BPIFA2: variants seen among roughly 807,000 people sequenced by gnomAD.
The protein encoded by BPIFA2 is BPI fold-containing family A member 2.
A neutral mutation model predicts 25.7 loss-of-function variants in BPIFA2; 20 were observed. The ratio of observed to expected loss-of-function variants is 0.78; its 90% CI spans 0.55 to 1.13. BPIFA2 has a LOEUF of 1.13. BPIFA2 is among the 50% of genes most tolerant of loss of function. BPIFA2 has a pLI of 0.00. For missense variants in BPIFA2, 300 were observed against 298.1 expected, an observed-to-expected ratio of 1.01 and a Z score of -0.05; for synonymous variants, 126 against 124.3, an observed-to-expected ratio of 1.01 and a Z score of -0.09.
At chr20:33,167,143 G>A (rs967583235), upstream of BPIFA2, among the ~76,000 whole-genome samples, 5 of 152,194 alleles carry the variant, frequency 3.3e-5, no homozygotes, top group Non-Finnish European at 7.3e-5. Context: ...TTGTCCCACC[G>A]TTTGCTTGGT....
upstream of BPIFA2, among the ~76,000 whole-genome samples, chr20:33,166,779 G>A (rs182716682): frequency 6.6e-6 from 1 of 152,304 alleles, no homozygotes; most frequent in East Asian, 1.9e-4. Context: ...TTACAGATGA[G>A]GCAACTGAGG....
Position 33,174,158 on chromosome 20 carries a change from C to A in BPIFA2, c.382C>A (p.Pro128Thr). ...DDGKGLNLSFPVTANVTVAGP... is the reference protein window; with the variant it reads ...DDGKGLNLSFTVTANVTVAGP... ...TGGCAAAGGCCTTAACCTGAGCTTC[C>A]CTGTCACCGCGAATGTCACTGTGGC... Residue 128 changes from proline to threonine, a missense_variant, in exon 4 of 9, where the codon CCT becomes ACT. Physicochemically the swap from Pro to Thr is conservative, Grantham distance 38. Transcript: ENST00000354932. The A allele has an allele frequency of 6.2e-7, 1 of 1,614,130 alleles. No individual in the cohort carries two copies. Among genetic ancestry groups the A allele is most frequent in the Non-Finnish European group, 8.5e-7 (1 of 1,180,012 alleles).
chr20:33,164,821 C>T (rs924087928), upstream of BPIFA2, among the ~76,000 whole-genome samples: 2 of 152,332 alleles, frequency 1.3e-5, no homozygotes, highest in African/African-American at 4.8e-5. Context: ...CAGGGGAGGA[C>T]CCTGACCCGG....
chr20:33,176,551 G>T (rs1240892432), intron 5 of BPIFA2, among the ~76,000 whole-genome samples: 1 of 152,208 alleles, frequency 6.6e-6, no homozygotes, highest in Non-Finnish European at 1.5e-5. Flanking sequence ...TGCGAAGGCC[G>T]GGGTGTAAAT....
chr20:33,178,290 C>A, intron 6 of BPIFA2, 62 bp downstream of exon 6: 1 of 1,318,186 alleles, frequency 7.6e-7, no homozygotes, highest in Non-Finnish European at 1.1e-6. Flanking sequence ...GGGGAATTTG[C>A]AGGCCTGGCT....
chr20:33,165,047 G>A (rs1377876388), upstream of BPIFA2, among the ~76,000 whole-genome samples: 4 of 152,206 alleles, frequency 2.6e-5, no homozygotes, highest in African/African-American at 4.8e-5. Flanking sequence ...ATACTTGAGC[G>A]CTGAAAGAAT....
Position 33,172,978 on chromosome 20 carries a change from CAG to C in BPIFA2, c.205_206del (p.Ser69CysfsTer13). On this transcript the variant is annotated frameshift_variant, in exon 3 of 9. Coordinates refer to ENST00000354932, the MANE Select transcript of BPIFA2 (RefSeq NM_080574.4). LOFTEE classifies it high-confidence loss of function. Reference sequence around the variant, plus strand: ...TCGACCTAGGAGTGCTTCAGAAATCCAGTGCTTGGCAACTGGCCAAGCAGAAG... The same window carrying C: ...TCGACCTAGGAGTGCTTCAGAAATCCTGCTTGGCAACTGGCCAAGCAGAAG... ...KVDLGVLQKS[S>X]AWQLAKQKAQ... 6.2e-7 allele frequency: 1 copy of C among 1,614,002 alleles called. No homozygotes were observed.
At chr20:33,167,739 T>C (rs893194700), upstream of BPIFA2, among the ~76,000 whole-genome samples, 19 of 152,158 alleles carry the variant, frequency 1.2e-4, no homozygotes, top group African/African-American at 4.6e-4. Context: ...TCTCGGTCCC[T>C]GTCTTGCTGA....
At position 33,169,173 on chromosome 20, in the gene BPIFA2, C is replaced by T; in HGVS notation, c.28C>T (p.Leu10=). The change falls in exon 2 of 9, where the codon CTG becomes TTG. Residue 10 remains leucine (L), a synonymous_variant. Coordinates refer to ENST00000354932, the MANE Select transcript of BPIFA2 (RefSeq NM_080574.4). MLQLWKLVL[L]CGVLTGTSES... is the part of the protein sequence containing the mutation. Reference sequence around the variant, plus strand: ...GCTTCAGCTTTGGAAACTTGTTCTCCTGTGCGGCGTGCTCACTGGGACCTC... The same window carrying T: ...GCTTCAGCTTTGGAAACTTGTTCTCTTGTGCGGCGTGCTCACTGGGACCTC... 1 of 1,614,174 alleles carries T rather than the reference C, an allele frequency of 6.2e-7. No homozygotes were observed. Among genetic ancestry groups the T allele is most frequent in the Non-Finnish European group, 8.5e-7 (1 of 1,179,994 alleles).
intron 5 of BPIFA2, among the ~76,000 whole-genome samples, chr20:33,177,713 G>C (rs1215445298): frequency 6.6e-6 from 1 of 152,168 alleles, no homozygotes; most frequent in Non-Finnish European, 1.5e-5. Context: ...TGAGGAGGTG[G>C]CAATTATACT....
intron 2 of BPIFA2, 60 bp downstream of exon 2, chr20:33,169,362 G>C: frequency 6.4e-7 from 1 of 1,553,130 alleles, no homozygotes; most frequent in East Asian, 2.3e-5. Context: ...CACTATGCCT[G>C]CATTACCAGA....
intron 2 of BPIFA2, among the ~76,000 whole-genome samples, chr20:33,172,029 A>G (rs1965616513): frequency 6.6e-6 from 1 of 152,236 alleles, no homozygotes; most frequent in Admixed American, 6.5e-5. Flanking sequence ...AAAATGTGGT[A>G]CATATACACC....
intron 2 of BPIFA2, 56 bp downstream of exon 2, chr20:33,169,358 G>C: frequency 6.4e-7 from 1 of 1,566,868 alleles, no homozygotes; most frequent in Admixed American, 1.7e-5. Context: ...TAAACACTAT[G>C]CCTGCATTAC....
At chr20:33,173,824 T>A (rs1269732560) in intron 3 of BPIFA2, among the ~76,000 whole-genome samples, 2 of 152,148 alleles carry the variant, frequency 1.3e-5, no homozygotes, top group East Asian at 1.9e-4. Flanking sequence ...ACTTTTAAAG[T>A]CAGATAGTTC....
intron 5 of BPIFA2, among the ~76,000 whole-genome samples, chr20:33,177,133 T>A (rs1984106551): frequency 6.6e-6 from 1 of 152,128 alleles, no homozygotes; most frequent in Admixed American, 6.5e-5. Flanking sequence ...GGTGGGTGGA[T>A]CACTTGAGGT....
At chr20:33,166,903 G>A (rs1156929648), upstream of BPIFA2, among the ~76,000 whole-genome samples, 3 of 152,244 alleles carry the variant, frequency 2.0e-5, no homozygotes, top group African/African-American at 7.2e-5. Flanking sequence ...TTGGCTCTGT[G>A]CTTCACAACT....
intron 3 of BPIFA2, among the ~76,000 whole-genome samples, chr20:33,173,563 TG>T (rs1172317530): frequency 1.3e-5 from 2 of 152,162 alleles, no homozygotes; most frequent in East Asian, 3.9e-4. Context: ...TGGAGTGCAA[TG>T]GCACAATCTT....
intron 1 of BPIFA2, chr20:33,162,028 T>G (rs543052987): frequency 6.6e-6 from 1 of 152,334 alleles, no homozygotes; most frequent in East Asian, 1.9e-4. Flanking sequence ...TCGCCGAGGT[T>G]GGAGTACAAT....
upstream of BPIFA2, among the ~76,000 whole-genome samples, chr20:33,163,237 T>C (rs1424873200): frequency 6.6e-6 from 1 of 152,220 alleles, no homozygotes; most frequent in Non-Finnish European, 1.5e-5. Context: ...ATCTATTCAG[T>C]CTGTGGATTA....
Sources: gnomAD v4.1 joint callset for allele counts (sites outside exome capture counted in the v4.1 genomes callset) on GRCh38, gnomAD v4.1.1 for gene constraint, MANE v1.5 for transcripts, NCBI Gene and HGNC (gene_info 2026-07-23, HGNC 2026-07-21) for gene names.